The following ITGA9 variants were observed in gnomAD, a reference collection of about 807,000 sequenced individuals.
ITGA9 encodes integrin alpha-9.
Under a neutral mutation model 127.8 loss-of-function variants are expected in ITGA9, and 56 were observed. The ratio of observed to expected loss-of-function variants is 0.44; its 90% CI spans 0.35 to 0.55. The LOEUF is 0.55. Among genes scored for constraint, ITGA9 ranks in the 20% least tolerant of loss-of-function variants. ITGA9 has a pLI of 0.00. For missense variants in ITGA9, 1,196 were observed against 1,347.1 expected (o/e 0.89, Z 1.76); for synonymous variants, 508 against 514.5 (o/e 0.99, Z 0.17).
At chr3:37,724,255 C>T (rs1383275000) in intron 18 of ITGA9, among the ~76,000 whole-genome samples, 1 of 152,204 alleles carries the variant, frequency 6.6e-6, no homozygotes, top group Non-Finnish European at 1.5e-5. Context: ...GTCACTGCCT[C>T]TCCCATCACA....
At chr3:37,617,476 A>G (rs1159109970) in intron 15 of ITGA9, among the ~76,000 whole-genome samples, 5 of 152,034 alleles carry the variant, frequency 3.3e-5, no homozygotes, top group East Asian at 3.9e-4. Flanking sequence ...TCTTTGTGGC[A>G]TTCTCTGTAT....
At chr3:37,779,757 A>G in intron 24 of ITGA9, 145 bp from the exon 25 acceptor site, 1 of 791,528 alleles carries the variant, frequency 1.3e-6, no homozygotes, top group South Asian at 1.6e-5. Flanking sequence ...TGGTGGCGAG[A>G]AAGAACGATT....
chr3:37,511,275 G>A (rs574364814), intron 8 of ITGA9, among the ~76,000 whole-genome samples: 1 of 152,316 alleles, frequency 6.6e-6, no homozygotes, highest in East Asian at 1.9e-4. Flanking sequence ...TCACCAACAT[G>A]TGTGCAGTTC....
intron 20 of ITGA9, among the ~76,000 whole-genome samples, chr3:37,740,032 AGGGCAGAGACTGTGGCCCTATGG>A (rs1696414057): frequency 6.6e-6 from 1 of 152,220 alleles, no homozygotes. Flanking sequence ...ATGAGGAGCC[AGGGCAGAGACTGTGGCCCTATGG>A]GGTCAGCGTC....
chr3:37,773,398 G>C (rs190164859), intron 23 of ITGA9, among the ~76,000 whole-genome samples: 208 of 152,334 alleles, frequency 1.4e-3, no homozygotes, highest in Non-Finnish European at 2.4e-3. Flanking sequence ...AAGACAGACA[G>C]GGAATTTGGA....
chr3:37,694,235 A>T (rs1284035368), intron 18 of ITGA9, among the ~76,000 whole-genome samples: 2 of 152,228 alleles, frequency 1.3e-5, no homozygotes, highest in Non-Finnish European at 2.9e-5. Flanking sequence ...CATTCCTCAG[A>T]GACCCTTCAG....
chr3:37,483,015 C>G (rs1698572213), intron 4 of ITGA9, among the ~76,000 whole-genome samples: 1 of 152,184 alleles, frequency 6.6e-6, no homozygotes, highest in Admixed American at 6.6e-5. Context: ...CCAGTTTACT[C>G]CTCCTTTTTC....
At chr3:37,700,358 GC>G (rs1700932824) in intron 18 of ITGA9, among the ~76,000 whole-genome samples, 1 of 151,240 alleles carries the variant, frequency 6.6e-6, no homozygotes, top group Non-Finnish European at 1.5e-5. Context: ...CATATAATAT[GC>G]AATGACTTTT....
intron 26 of ITGA9, among the ~76,000 whole-genome samples, chr3:37,796,635 T>C (rs190108946): frequency 1.3e-5 from 2 of 152,282 alleles, no homozygotes; most frequent in East Asian, 3.9e-4. Flanking sequence ...ATATAACATT[T>C]GCAAATATAT....
chr3:37,786,031 AG>A (rs1697037447), intron 26 of ITGA9, among the ~76,000 whole-genome samples: 1 of 147,022 alleles, frequency 6.8e-6, no homozygotes, highest in Non-Finnish European at 1.5e-5. Flanking sequence ...AGGGGGGTTG[AG>A]GGGGGTTCAT....
intron 10 of ITGA9, 133 bp from the exon 11 acceptor site, chr3:37,519,127 A>G (rs968797096): frequency 5.5e-6 from 4 of 727,390 alleles, no homozygotes; most frequent in Non-Finnish European, 9.8e-6. Context: ...CTTGTCCCCA[A>G]ATTAATGCTT....
intron 25 of ITGA9, among the ~76,000 whole-genome samples, chr3:37,784,385 C>G (rs1292893732): frequency 1.3e-5 from 2 of 152,170 alleles, no homozygotes; most frequent in East Asian, 1.9e-4. Flanking sequence ...TAGCTGTGCT[C>G]CCTTATACCC....
intron 15 of ITGA9, among the ~76,000 whole-genome samples, chr3:37,565,197 G>A (rs190707200): frequency 3.3e-5 from 5 of 152,312 alleles, no homozygotes; most frequent in Admixed American, 3.3e-4. Context: ...ACGCCCCAGA[G>A]GGTGCTTAGC....
chr3:37,755,714 T>A (rs904540927), intron 23 of ITGA9, among the ~76,000 whole-genome samples: 9 of 152,154 alleles, frequency 5.9e-5, no homozygotes, highest in Non-Finnish European at 1.0e-4. Context: ...TTATTCCTTT[T>A]TTTAAATAGC....
chr3:37,703,156 A>G (rs1032845235), intron 18 of ITGA9, among the ~76,000 whole-genome samples: 1 of 152,216 alleles, frequency 6.6e-6, no homozygotes, highest in Non-Finnish European at 1.5e-5. Context: ...ACTTTGGTTT[A>G]TTACAGCAGA....
intron 18 of ITGA9, among the ~76,000 whole-genome samples, chr3:37,697,875 G>A (rs1316603684): frequency 1.3e-5 from 2 of 152,154 alleles, no homozygotes; most frequent in Non-Finnish European, 1.5e-5. Context: ...GGGTCAAATG[G>A]TGTTTCTAGT....
chr3:37,749,348 C>G (rs1696551554), intron 22 of ITGA9: 1 of 153,028 alleles, frequency 6.5e-6, no homozygotes, highest in Non-Finnish European at 1.5e-5. Flanking sequence ...AAGATACCCT[C>G]TTTATTTTGA....
At chr3:37,635,263 A>T (rs552520626) in intron 16 of ITGA9, among the ~76,000 whole-genome samples, 42 of 152,342 alleles carry the variant, frequency 2.8e-4, no homozygotes, top group Middle Eastern at 3.4e-3. Context: ...TAATAAAATT[A>T]GCACTATTTA....
chr3:37,486,885 T>TA (rs1205361021), intron 4 of ITGA9, among the ~76,000 whole-genome samples: 4 of 152,222 alleles, frequency 2.6e-5, no homozygotes, highest in Admixed American at 2.6e-4. Context: ...ACCACTCTAT[T>TA]ATCAGGGAAT....
Sources: gnomAD v4.1 joint callset for allele counts (sites outside exome capture counted in the v4.1 genomes callset) on GRCh38, gnomAD v4.1.1 for gene constraint, MANE v1.5 for transcripts, NCBI Gene and HGNC (gene_info 2026-07-23, HGNC 2026-07-21) for gene names.